The following TOP3A variants were observed in gnomAD, a reference collection of about 807,000 sequenced individuals.
TOP3A encodes DNA topoisomerase 3-alpha.
TOP3A carries 64 observed loss-of-function variants against 111.3 expected under a neutral mutation model. The observed-to-expected ratio is 0.57, with a 90% CI of 0.47 to 0.71. TOP3A has a LOEUF of 0.71. Ranked by LOEUF, TOP3A falls within the 30% of genes least tolerant of loss-of-function variation. TOP3A has a pLI of 0.00. For missense variants in TOP3A, 1,104 were observed against 1,285.0 expected (o/e 0.86, Z 2.15); for synonymous variants, 484 against 485.1 (o/e 1.00, Z 0.03).
rs764848345 is a variant in TOP3A at position 18,285,261 on chromosome 17, A to T, written c.1758T>A (p.Ala586=). 6.2e-7 allele frequency: 1 copy of T among 1,614,202 alleles called. No homozygotes were observed. The highest frequency in any genetic ancestry group is 8.5e-7 in the Non-Finnish European group (1 of 1,180,034). Residue 586 remains alanine, a synonymous_variant, in exon 15 of 19, where the codon GCT becomes GCA. Transcript: ENST00000321105. ...GYEMSKPDLR[A]ELEADLKLIC... Reference sequence around the variant, plus strand: ...TCAGCTTCAGATCAGCTTCCAGTTCAGCCCGGAGGTCAGGCTTAGACATTT... The same window carrying T: ...TCAGCTTCAGATCAGCTTCCAGTTCTGCCCGGAGGTCAGGCTTAGACATTT...
intron 1 of TOP3A, among the ~76,000 whole-genome samples, chr17:18,311,504 G>C (rs1567754231): frequency 6.6e-6 from 1 of 152,162 alleles, no homozygotes; most frequent in Non-Finnish European, 1.5e-5. Flanking sequence ...ATGTTGGCCA[G>C]GCTGGTCTTG....
At position 18,302,310 on chromosome 17, in the gene TOP3A, G is replaced by C. The variant is rs760014876; in HGVS notation, c.768C>G (p.Phe256Leu). Residue 256 changes from phenylalanine (F) to leucine (L), a missense_variant, in exon 7 of 19, where the codon TTC becomes TTG. Coordinates refer to ENST00000321105, the MANE Select transcript of TOP3A (RefSeq NM_004618.5). ...FPTLGFVVER[F>L]KAIQAFVPEI... ...CTGGTACAAAAGCCTGAATGGCTTT[G>C]AACCGCTCCACCACAAAGCCCAGTG... 7.4e-6 allele frequency: 12 copies of C among 1,612,872 alleles called. No homozygotes were observed. The highest frequency in any genetic ancestry group is 1.0e-5 in the Non-Finnish European group (12 of 1,179,988).
intron 3 of TOP3A, among the ~76,000 whole-genome samples, chr17:18,307,983 G>A (rs1255664229): frequency 6.6e-6 from 1 of 150,784 alleles, no homozygotes; most frequent in Admixed American, 6.6e-5. Flanking sequence ...AGGCTGAGGT[G>A]GGCAGACCAC....
rs1365096839 is a variant in TOP3A, at chr17:18,302,806, T to C, written c.500-83A>G. ...AAGGACTCACTTTTCTTAAAGCCCC[T>C]TGAAATAAAGGCAAACCAGTTCAAG... On this transcript the variant is annotated intron_variant, in intron 5 of 18. Coordinates refer to ENST00000321105, the MANE Select transcript of TOP3A (RefSeq NM_004618.5). 1.3e-5 allele frequency: 20 copies of C among 1,515,846 alleles called. 1 individual carries two copies. The South Asian group carries it at 2.3e-4, about 17-fold the overall frequency. The allele number at this position is 1,515,846 out of a possible 1,614,324, so 93.9% of individuals were successfully genotyped here. A position where few individuals can be genotyped will look rare whatever the true frequency, so the allele number is the denominator to read the frequency against.
At position 18,274,610 on chromosome 17, in the gene TOP3A, G is replaced by T; in HGVS notation, c.*192C>A. Reference sequence around the variant, plus strand: ...CCTGAGGCCTGGGAAGAGGGTCACTGTCCAGCAGAGCTGGCCTGCTCCAGA... The same window carrying T: ...CCTGAGGCCTGGGAAGAGGGTCACTTTCCAGCAGAGCTGGCCTGCTCCAGA... On this transcript the variant is annotated 3_prime_UTR_variant, in exon 19 of 19. Transcript: ENST00000321105. 2.1e-6 allele frequency: 2 copies of T among 937,886 alleles called. No homozygotes were observed. Among genetic ancestry groups the T allele is most frequent in the Non-Finnish European group, 3.0e-6 (2 of 663,034 alleles). The allele number at this position is 937,886 out of a possible 1,614,324, so 58.1% of individuals were successfully genotyped here.
chr17:18,301,836 T>C (rs1353444937), intron 8 of TOP3A, 49 bp downstream of exon 8: 1 of 1,453,752 alleles, frequency 6.9e-7, no homozygotes, highest in South Asian at 1.2e-5. Context: ...ACAGTGGGAG[T>C]GGTTTGGGAG....
chr17:18,294,775 T>C lies in TOP3A; in HGVS notation c.1001A>G (p.Lys334Arg), dbSNP rs376084711. The change falls in exon 10 of 19, where the codon AAG (lysine) becomes AGG (arginine). Residue 334 changes from lysine to arginine, a missense_variant. Lys to Arg is a conservative substitution (Grantham distance 26, BLOSUM62 2). Coordinates refer to ENST00000321105, the MANE Select transcript of TOP3A (RefSeq NM_004618.5). Reference protein sequence around the residue: ...PQALDTVELEKLASRKLRINA... With the variant: ...PQALDTVELERLASRKLRINA... ...TATTCTCAACTTTCGAGAAGCCAGC[T>C]TCTCAAGCTCCTGTGAAATGGGTCA... 5 of 1,613,720 alleles carry C rather than the reference T, an allele frequency of 3.1e-6. No homozygotes were observed. In the African/African-American group the frequency reaches 6.7e-5, roughly 22 times the overall value.
At position 18,305,125 on chromosome 17, in the gene TOP3A, G is replaced by A. The variant is rs368812609; in HGVS notation, c.486C>T (p.His162=). ...AGCAGCACTTACCAGCCTTACACAC[G>A]TGGATAATCTCAAACCCGATGTTTT... is the stretch of plus-strand genomic sequence containing the variant. ...EGENIGFEII[H]VCKAVKPNLQ... The change falls in exon 5 of 19, where the codon CAC becomes CAT. Residue 162 remains histidine (H), a synonymous_variant. Transcript: ENST00000321105. The A allele has an allele frequency of 1.1e-5, 17 of 1,613,718 alleles. No homozygotes were observed. The highest frequency in any genetic ancestry group is 8.3e-5 in the Admixed American group (5 of 60,002).
intron 13 of TOP3A, 45 bp downstream of exon 13, chr17:18,290,512 A>T: frequency 6.6e-7 from 1 of 1,511,438 alleles, no homozygotes; most frequent in Non-Finnish European, 8.9e-7. Context: ...GGTACACTGT[A>T]AGCCTTAGCT....
rs757090766 is a variant in TOP3A at position 18,278,266 on chromosome 17, C to T, written c.2236G>A (p.Glu746Lys). The change falls in exon 18 of 19, where the codon GAG becomes AAG. Residue 746 changes from glutamate to lysine, a missense_variant. Physicochemically the swap from Glu to Lys is moderately conservative, Grantham distance 56. Coordinates refer to ENST00000321105, the MANE Select transcript of TOP3A (RefSeq NM_004618.5). ...CIGGCDDTLR[E>K]ILDLRFSGGP... is the part of the protein sequence containing the mutation. Reference sequence around the variant, plus strand: ...CCTGAAAATCTCAGGTCCAGGATCTCCCTCAGGGTGTCGTCGCATCCGCCG... The same window carrying T: ...CCTGAAAATCTCAGGTCCAGGATCTTCCTCAGGGTGTCGTCGCATCCGCCG... 1 of 1,548,542 alleles carries T rather than the reference C, an allele frequency of 6.5e-7. No individual in the cohort carries two copies. Among genetic ancestry groups the T allele is most frequent in the Non-Finnish European group, 8.7e-7 (1 of 1,147,718 alleles).
In TOP3A at chr17:18,274,568, C is replaced by T. The variant is rs889071758; in HGVS notation, c.*234G>A. 16 of 513,304 alleles carry T rather than the reference C, an allele frequency of 3.1e-5. No homozygotes were observed. The highest frequency in any genetic ancestry group is 1.5e-4 in the Admixed American group (4 of 26,630). The allele number at this position is 513,304 out of a possible 1,614,324, so 31.8% of individuals were successfully genotyped here. ...AGGGAGCAGCTGCGTGACTTTTCAG[C>T]AGTGGCTATGGTCACTCCTGAGGCC... On this transcript the variant is annotated 3_prime_UTR_variant, in exon 19 of 19. Transcript: ENST00000321105.
intron 9 of TOP3A, among the ~76,000 whole-genome samples, chr17:18,296,769 T>C (rs1282261141): frequency 1.3e-5 from 2 of 152,182 alleles, no homozygotes; most frequent in Non-Finnish European, 2.9e-5. Context: ...ATTCTAATAG[T>C]AATTCTATCC....
At position 18,273,680 on chromosome 17, in the gene TOP3A, A is replaced by G. The variant is rs1212489940; in HGVS notation, c.*1122T>C. ...GGTCTTACTCTGTCACCCAGGCTGG[A>G]GTGCAGTGGTGTGATCATGGCTTGC... is the stretch of plus-strand genomic sequence containing the variant. On this transcript the variant is annotated 3_prime_UTR_variant, in exon 19 of 19. Coordinates refer to ENST00000321105, the MANE Select transcript of TOP3A (RefSeq NM_004618.5). Among the ~76,000 whole-genome samples the G allele has an allele frequency of 1.3e-5, 2 of 152,196 alleles. No homozygotes were observed. Among genetic ancestry groups the G allele is most frequent in the African/African-American group, 4.8e-5 (2 of 41,446 alleles).
chr17:18,294,338 CTTTTTT>C (rs35512557), intron 10 of TOP3A, among the ~76,000 whole-genome samples: 1 of 148,904 alleles, frequency 6.7e-6, no homozygotes, highest in African/African-American at 2.5e-5. Context: ...TTTCTTTTTC[CTTTTTT>C]TTTTGAGATG....
intron 13 of TOP3A, among the ~76,000 whole-genome samples, chr17:18,288,148 T>TATATATATATATATATA (rs1292446447): frequency 7.6e-6 from 1 of 132,260 alleles, no homozygotes; most frequent in African/African-American, 2.9e-5. Context: ...TATATATATA[T>TATATATATATATATATA]AAATTTTTTT....
At chr17:18,294,682 T>C (rs773499550) in intron 10 of TOP3A, 21 bp downstream of exon 10, 7 of 1,574,744 alleles carry the variant, frequency 4.4e-6, no homozygotes, top group Non-Finnish European at 5.2e-6. Flanking sequence ...CAAATTCTAC[T>C]CCCAAACCCA....
intron 10 of TOP3A, 145 bp downstream of exon 10, chr17:18,294,558 G>C: frequency 1.7e-6 from 1 of 605,258 alleles, no homozygotes; most frequent in Middle Eastern, 4.6e-4. Flanking sequence ...TTGATCTCTT[G>C]ACCTCGTGAT....
intron 4 of TOP3A, chr17:18,306,647 T>G (rs1194513923): frequency 2.5e-6 from 1 of 404,534 alleles, no homozygotes; most frequent in Non-Finnish European, 4.5e-6. Context: ...ATTACAGGCA[T>G]AAACCACCAT....
intron 1 of TOP3A, among the ~76,000 whole-genome samples, 161 bp from the exon 2 acceptor site, chr17:18,309,102 T>C (rs188140215): frequency 7.9e-4 from 120 of 152,210 alleles, no homozygotes; most frequent in Non-Finnish European, 1.5e-3. Context: ...CCAACAAGCA[T>C]ATGAAAAGAT....
Sources: allele counts gnomAD v4.1 joint callset (sites outside exome capture counted in the v4.1 genomes callset), GRCh38; gene constraint gnomAD v4.1.1; transcripts MANE v1.5; gene names NCBI Gene and HGNC (gene_info 2026-07-23, HGNC 2026-07-21).